The following GLE1 variants were observed in gnomAD, a reference collection of about 807,000 sequenced individuals.
The protein encoded by GLE1 is GLE1 RNA export mediator.
In GLE1, 78 loss-of-function variants were observed where a neutral mutation model predicts 97.3. That is an observed-to-expected ratio of 0.80 (90% CI 0.67 to 0.97). GLE1 has a LOEUF of 0.97. GLE1 is among the 50% of genes least tolerant of loss of function. GLE1 has a pLI of 0.00. For synonymous variants in GLE1, 302 were observed against 313.4 expected, an observed-to-expected ratio of 0.96 and a Z score of 0.39; for missense variants, 753 against 857.5, an observed-to-expected ratio of 0.88 and a Z score of 1.52.
At chr9:128,534,494 T>C (rs1218545079) in intron 11 of GLE1, among the ~76,000 whole-genome samples, 1 of 152,176 alleles carries the variant, frequency 6.6e-6, no homozygotes, top group African/African-American at 2.4e-5. Context: ...CTTGGAATTT[T>C]ATCCCTGCTT....
chr9:128,532,490 T>G (rs914337385), intron 9 of GLE1, among the ~76,000 whole-genome samples: 1 of 151,376 alleles, frequency 6.6e-6, no homozygotes, highest in African/African-American at 2.4e-5. Context: ...CCTCCCAAAG[T>G]GCTGGCCCAG....
At chr9:128,540,883 T>C in intron 15 of GLE1, 3 of 570,464 alleles carry the variant, frequency 5.3e-6, no homozygotes, top group Non-Finnish European at 6.3e-6. Context: ...GAGACAAGAG[T>C]GGGACAGGAA....
chr9:128,538,115 G>A (rs909384508), intron 13 of GLE1, 25 bp downstream of exon 13: 2 of 1,251,640 alleles, frequency 1.6e-6, no homozygotes, highest in Non-Finnish European at 2.4e-6. Flanking sequence ...TATCACACAA[G>A]AGAAGGCCAG....
chr9:128,523,456 A>G (rs1847210194), intron 5 of GLE1, 116 bp downstream of exon 5: 5 of 1,389,558 alleles, frequency 3.6e-6, no homozygotes, highest in Non-Finnish European at 5.1e-6. Context: ...ATGCCTGTGT[A>G]TGACTAACCT....
chr9:128,524,816 T>G (rs558088065), intron 6 of GLE1, among the ~76,000 whole-genome samples: 2 of 152,082 alleles, frequency 1.3e-5, no homozygotes, highest in South Asian at 4.1e-4. Flanking sequence ...CACTTGAACC[T>G]GGGAGGCAAA....
chr9:128,535,095 A>C (rs1417693113), intron 11 of GLE1, among the ~76,000 whole-genome samples: 1 of 152,006 alleles, frequency 6.6e-6, no homozygotes, highest in Non-Finnish European at 1.5e-5. Flanking sequence ...TCTCTGGGCC[A>C]GGTGCAGTGC....
intron 2 of GLE1, among the ~76,000 whole-genome samples, chr9:128,511,745 T>TA (rs1217711820): frequency 3.2e-4 from 47 of 147,272 alleles, no homozygotes; most frequent in East Asian, 1.4e-3. Flanking sequence ...GACTTAAACA[T>TA]AAAAAAAAAA....
chr9:128,504,824 T>G lies in GLE1; in HGVS notation c.19T>G (p.Cys7Gly), dbSNP rs1439799973. 6.2e-7 allele frequency: 1 copy of G among 1,611,930 alleles called. No homozygotes were observed. The highest frequency in any genetic ancestry group is 8.5e-7 in the Non-Finnish European group (1 of 1,178,098). The stretch of plus-strand genomic sequence containing the variant: ...GCCAACCATGCCGTCTGAGGGTCGC[T>G]GCTGGGAGACCTTGAAGGCCCTACG... MPSEGR[C>G]WETLKALRSS... Residue 7 changes from cysteine (C) to glycine (G), a missense_variant, in exon 1 of 16, where the codon TGC becomes GGC. Transcript: ENST00000309971.
chr9:128,521,661 T>C (rs996348490), intron 3 of GLE1, among the ~76,000 whole-genome samples: 1 of 152,234 alleles, frequency 6.6e-6, no homozygotes, highest in Non-Finnish European at 1.5e-5. Flanking sequence ...GGCTGCATAG[T>C]ATTCTGCAGT....
chr9:128,511,080 T>C (rs1232098386), intron 2 of GLE1, among the ~76,000 whole-genome samples: 1 of 151,164 alleles, frequency 6.6e-6, no homozygotes, highest in Non-Finnish European at 1.5e-5. Context: ...GGCGCACGCC[T>C]GTAATCCCAT....
intron 2 of GLE1, among the ~76,000 whole-genome samples, chr9:128,510,189 C>T (rs1846766497): frequency 6.6e-6 from 1 of 151,826 alleles, no homozygotes; most frequent in Non-Finnish European, 1.5e-5. Flanking sequence ...TCCCGAATAG[C>T]TGGGACTGCG....
chr9:128,510,884 G>C (rs1386770894), intron 2 of GLE1, among the ~76,000 whole-genome samples: 1 of 142,182 alleles, frequency 7.0e-6, no homozygotes, highest in Admixed American at 7.3e-5. Context: ...CTATCTAGTA[G>C]TTCATCTTTT....
chr9:128,540,394 A>G (rs547637431), intron 15 of GLE1, 56 bp downstream of exon 15: 7 of 1,085,922 alleles, frequency 6.4e-6, no homozygotes, highest in African/African-American at 6.2e-5. Context: ...GAATGCACCT[A>G]TGTCTGACAA....
intron 1 of GLE1, among the ~76,000 whole-genome samples, chr9:128,505,703 C>G (rs1040097393): frequency 1.7e-4 from 26 of 152,202 alleles, no homozygotes; most frequent in African/African-American, 6.0e-4. Flanking sequence ...ACTGGTGATG[C>G]TAATCTTGAT....
chr9:128,519,418 G>T (rs1186411231), intron 3 of GLE1, among the ~76,000 whole-genome samples: 1 of 152,128 alleles, frequency 6.6e-6, no homozygotes, highest in Non-Finnish European at 1.5e-5. Context: ...CGCGCCTGGG[G>T]GTAGGTCTAT....
chr9:128,539,360 G>A (rs1324483191), intron 13 of GLE1, among the ~76,000 whole-genome samples: 1 of 152,198 alleles, frequency 6.6e-6, no homozygotes, highest in African/African-American at 2.4e-5. Flanking sequence ...CTTTAGGAAG[G>A]CGTCCATTCA....
intron 1 of GLE1, among the ~76,000 whole-genome samples, chr9:128,507,285 C>G (rs1256273798): frequency 6.6e-6 from 1 of 151,894 alleles, no homozygotes; most frequent in Non-Finnish European, 1.5e-5. Flanking sequence ...GTGCTTGAGG[C>G]CAGTTCAAGC....
intron 2 of GLE1, among the ~76,000 whole-genome samples, chr9:128,509,903 G>A (rs1846755394): frequency 6.6e-6 from 1 of 152,112 alleles, no homozygotes; most frequent in Non-Finnish European, 1.5e-5. Flanking sequence ...AGACTACAGT[G>A]AGCTGTGATC....
In GLE1 at chr9:128,512,638, C is replaced by T. The variant is rs1476262115; in HGVS notation, c.322-2891C>T. Among the ~76,000 whole-genome samples, 6 of 151,812 alleles carry T rather than the reference C, an allele frequency of 4.0e-5. No individual in the cohort carries two copies. The East Asian group carries it at 1.2e-3, about 29-fold the overall frequency. On this transcript the variant is annotated intron_variant, in intron 2 of 15. Coordinates refer to ENST00000309971, the MANE Select transcript of GLE1 (RefSeq NM_001003722.2). ...CCTCAGTGGACTTCAGTGTCTTTAT[C>T]TGTAAATCTCATTCTGGACCAAATT... is the stretch of plus-strand genomic sequence containing the variant.
Sources: allele counts gnomAD v4.1 joint callset (sites outside exome capture counted in the v4.1 genomes callset), GRCh38; gene constraint gnomAD v4.1.1; transcripts MANE v1.5; gene names NCBI Gene and HGNC (gene_info 2026-07-23, HGNC 2026-07-21).